NUTM2G: variants seen among roughly 807,000 people sequenced by gnomAD.
The protein encoded by NUTM2G is family with sequence similarity 22, member G.
In NUTM2G, 29 loss-of-function variants were observed where a neutral mutation model predicts 44.3. The ratio of observed to expected loss-of-function variants is 0.66; its 90% CI spans 0.49 to 0.89. NUTM2G has a LOEUF of 0.89. Among genes scored for constraint, NUTM2G ranks in the 40% least tolerant of loss-of-function variants. The pLI is 0.00. For missense variants in NUTM2G, 502 were observed against 946.5 expected, an observed-to-expected ratio of 0.53 and a Z score of 6.16; for synonymous variants, 205 against 395.9, an observed-to-expected ratio of 0.52 and a Z score of 5.72.
chr9:96,935,382 A>G lies in NUTM2G; in HGVS notation c.768A>G (p.Gly256=), dbSNP rs1333990147. 9.3e-6 allele frequency: 15 copies of G among 1,611,888 alleles called. No homozygotes were observed. Among genetic ancestry groups the G allele is most frequent in the Non-Finnish European group, 1.3e-5 (15 of 1,179,870 alleles). ...RRKPTMTLEE[G]LWRAMREWQH... ...AGCCCACCATGACGCTGGAGGAGGGACTGTGGCGGGCCATGCGGGAATGGC... is the reference window on the plus strand; with the variant it reads ...AGCCCACCATGACGCTGGAGGAGGGGCTGTGGCGGGCCATGCGGGAATGGC... Residue 256 remains glycine, a synonymous_variant, in exon 3 of 7, where the codon GGA becomes GGG. Coordinates refer to ENST00000372322, the MANE Select transcript of NUTM2G (RefSeq NM_001170741.3).
chr9:96,930,872 G>GTTTTTTTTTTTTTTTTTTTTTTT lies in NUTM2G; in HGVS notation c.17-832_17-810dup, dbSNP rs1168888338. ...GGCTTGGGCGAGTTTCCATCCAGTGGTTTTTTTTTTTTTTTTTTTTTTTTT... is the reference window on the plus strand; with the variant it reads ...GGCTTGGGCGAGTTTCCATCCAGTGGTTTTTTTTTTTTTTTTTTTTTTTTTTTTTTTTTTTTTTTTTTTTTTTT... On this transcript the variant is annotated intron_variant, in intron 1 of 6. Transcript: ENST00000372322. Among the ~76,000 whole-genome samples the GTTTTTTTTTTTTTTTTTTTTTTT allele has an allele frequency of 5.5e-5, 4 of 72,726 alleles. 2 individuals carry two copies. Among genetic ancestry groups the GTTTTTTTTTTTTTTTTTTTTTTT allele is most frequent in the Non-Finnish European group, 1.0e-4 (4 of 40,044 alleles). 47.7% of individuals were successfully genotyped at this position (72,726 alleles called of 152,430 possible).
chr9:96,929,795 G>A (rs1296020766), intron 1 of NUTM2G, among the ~76,000 whole-genome samples: 13 of 151,486 alleles, frequency 8.6e-5, no homozygotes, highest in South Asian at 2.1e-4. Flanking sequence ...CTCGTGGCCC[G>A]TCCTCTGTAC....
chr9:96,941,373 T>TC (rs1368341472), downstream of NUTM2G, among the ~76,000 whole-genome samples: 47 of 150,378 alleles, frequency 3.1e-4, no homozygotes, highest in Admixed American at 2.6e-4. Context: ...TTAACATGTG[T>TC]CCCCCCCGCC....
At chr9:96,932,591 A>G (rs1309513921) in intron 2 of NUTM2G, among the ~76,000 whole-genome samples, 173 bp downstream of exon 2, 3 of 152,026 alleles carry the variant, frequency 2.0e-5, no homozygotes, top group Non-Finnish European at 2.9e-5. Flanking sequence ...GGCTCAGGAC[A>G]GACTGTCAGG....
intron 6 of NUTM2G, 82 bp downstream of exon 6, chr9:96,938,083 C>A (rs1238487253): frequency 1.9e-6 from 3 of 1,569,182 alleles, no homozygotes; most frequent in Non-Finnish European, 2.6e-6. Flanking sequence ...ACTGTCTAAG[C>A]CCACCCTGCT....
Position 96,930,872 on chromosome 9 carries a change from G to GTTTT in NUTM2G, c.17-813_17-810dup, listed in dbSNP as rs1168888338. ...GGCTTGGGCGAGTTTCCATCCAGTG[G>GTTTT]TTTTTTTTTTTTTTTTTTTTTTTTT... On this transcript the variant is annotated intron_variant, in intron 1 of 6. Transcript: ENST00000372322. Among the ~76,000 whole-genome samples the GTTTT allele has an allele frequency of 1.0e-3, 76 of 72,726 alleles. 16 individuals carry two copies. The highest frequency in any genetic ancestry group is 2.9e-3 in the East Asian group (6 of 2,098). 47.7% of individuals were successfully genotyped at this position (72,726 alleles called of 152,430 possible).
chr9:96,938,931 G>C lies in NUTM2G; in HGVS notation c.2008G>C (p.Gly670Arg). Residue 670 changes from glycine to arginine, a missense_variant, in exon 7 of 7, where the codon GGC becomes CGC. By Grantham distance (125) the Gly-to-Arg change is moderately radical. Transcript: ENST00000372322. Reference sequence around the variant, plus strand: ...TCAATCTCCATCTGCTCAGAAAAGAGGCCTCAGCCCATCACCTTCTCCTGC... The same window carrying C: ...TCAATCTCCATCTGCTCAGAAAAGACGCCTCAGCCCATCACCTTCTCCTGC... ...ALQSPSAQKRGLSPSPSPASK... is the reference protein window; with the variant it reads ...ALQSPSAQKRRLSPSPSPASK... The C allele has an allele frequency of 1.3e-6, 2 of 1,581,360 alleles. No individual in the cohort carries two copies. Among genetic ancestry groups the C allele is most frequent in the Non-Finnish European group, 1.7e-6 (2 of 1,174,282 alleles).
rs540820499 is a variant in NUTM2G at position 96,933,229 on chromosome 9, C to T, written c.713+811C>T. 6.6e-5 allele frequency among the ~76,000 whole-genome samples: 10 copies of T among 151,712 alleles called. No individual in the cohort carries two copies. The South Asian group carries it at 8.4e-4, about 13-fold the overall frequency. On this transcript the variant is annotated intron_variant, in intron 2 of 6. Transcript: ENST00000372322. ...TCCTGCCCTGGTGATTCTCCCGCCTCGGCCTCCCAAAGTGCTGCGATTGCA... is the reference window on the plus strand; with the variant it reads ...TCCTGCCCTGGTGATTCTCCCGCCTTGGCCTCCCAAAGTGCTGCGATTGCA...
At position 96,937,922 on chromosome 9, in the gene NUTM2G, T is replaced by C; in HGVS notation, c.1361T>C (p.Leu454Ser). 1 of 1,611,752 alleles carries C rather than the reference T, an allele frequency of 6.2e-7. No homozygotes were observed. Among genetic ancestry groups the C allele is most frequent in the Non-Finnish European group, 8.5e-7 (1 of 1,179,762 alleles). Residue 454 changes from leucine to serine, a missense_variant, in exon 6 of 7, where the codon TTG becomes TCG. Transcript: ENST00000372322. Reference protein sequence around the residue: ...AVIHPRFLEELLSPDPQMDFL... With the variant: ...AVIHPRFLEESLSPDPQMDFL... Reference sequence around the variant, plus strand: ...ATTCACCCCCGATTCCTGGAAGAATTGCTTTCCCCAGATCCACAGATGGAT... The same window carrying C: ...ATTCACCCCCGATTCCTGGAAGAATCGCTTTCCCCAGATCCACAGATGGAT...
intron 4 of NUTM2G, 139 bp from the exon 5 acceptor site, chr9:96,936,925 C>T: frequency 7.4e-7 from 1 of 1,355,996 alleles, no homozygotes; most frequent in Non-Finnish European, 9.8e-7. Flanking sequence ...CCTGCGGCGT[C>T]TCCTCCGGGG....
intron 1 of NUTM2G, among the ~76,000 whole-genome samples, chr9:96,930,816 T>A (rs1035995449): frequency 2.7e-5 from 4 of 150,404 alleles, no homozygotes; most frequent in African/African-American, 7.4e-5. Flanking sequence ...CGTTATGTGT[T>A]ATGGGTTATC....
chr9:96,940,869 G>A (rs148863151), downstream of NUTM2G, among the ~76,000 whole-genome samples: 7,943 of 151,428 alleles, frequency 0.052, 200 homozygotes, highest in African/African-American at 0.17. Flanking sequence ...GGGCAGTGTC[G>A]GAGGCCTGCC....
At position 96,935,525 on chromosome 9, in the gene NUTM2G, C is replaced by G; in HGVS notation, c.842+69C>G. 4 of 1,611,048 alleles carry G rather than the reference C, an allele frequency of 2.5e-6. No homozygotes were observed. The South Asian group carries it at 4.4e-5, about 18-fold the overall frequency. ...GAGTGAATGACAGAGGCCCGGTGGCCGTGGTGGCTTCTCAGCGTGGAGCAT... is the reference window on the plus strand; with the variant it reads ...GAGTGAATGACAGAGGCCCGGTGGCGGTGGTGGCTTCTCAGCGTGGAGCAT... On this transcript the variant is annotated intron_variant, in intron 3 of 6. Transcript: ENST00000372322.
At chr9:96,932,938 C>T (rs979187403) in intron 2 of NUTM2G, among the ~76,000 whole-genome samples, 2 of 151,196 alleles carry the variant, frequency 1.3e-5, no homozygotes, top group African/African-American at 4.9e-5. Flanking sequence ...CATGAGCCAT[C>T]ATGCCCCGCC....
In NUTM2G at chr9:96,931,849, T is replaced by C. The variant is rs781328534; in HGVS notation, c.144T>C (p.Val48=). 8 of 1,612,364 alleles carry C rather than the reference T, an allele frequency of 5.0e-6. 1 individual carries two copies. The highest frequency in any genetic ancestry group is 6.8e-6 in the Non-Finnish European group (8 of 1,179,848). The change falls in exon 2 of 7, where the codon GTT becomes GTC. Residue 48 remains valine (V), a synonymous_variant. Transcript: ENST00000372322. ...THRPPLVTAV[V]PPAGPLVLSA... ...GGCCGCCCCTCGTGACTGCAGTGGT[T>C]CCTCCAGCCGGCCCTCTGGTGCTCT...
intron 1 of NUTM2G, among the ~76,000 whole-genome samples, chr9:96,931,180 G>A (rs546294170): frequency 1.1e-3 from 161 of 152,206 alleles, no homozygotes; most frequent in African/African-American, 3.9e-3. Context: ...GAACCAGCAT[G>A]CCCGGCCTAT....
intron 4 of NUTM2G, 77 bp downstream of exon 4, chr9:96,936,641 A>G: frequency 4.6e-6 from 7 of 1,509,030 alleles, no homozygotes; most frequent in Non-Finnish European, 6.2e-6. Context: ...CCCACATCCC[A>G]TGCTTCCCTT....
chr9:96,938,683 C>T lies in NUTM2G; in HGVS notation c.1760C>T (p.Thr587Ile), dbSNP rs550065596. Residue 587 changes from threonine (T) to isoleucine (I), a missense_variant, in exon 7 of 7, where the codon ACC becomes ATC. By Grantham distance (89) the Thr-to-Ile change is moderately conservative. Coordinates refer to ENST00000372322, the MANE Select transcript of NUTM2G (RefSeq NM_001170741.3). ...PTSPPQDHRP[T>I]CPGLGTKDAL... The stretch of plus-strand genomic sequence containing the variant: ...TCTCCTCCCCAGGACCACAGACCCA[C>T]CTGCCCCGGCCTGGGGACCAAGGAC... 50 of 1,605,618 alleles carry T rather than the reference C, an allele frequency of 3.1e-5. 1 individual carries two copies. The Admixed American group carries it at 8.4e-4, about 27-fold the overall frequency.
At chr9:96,936,302 C>T in intron 3 of NUTM2G, 123 bp from the exon 4 acceptor site, 1 of 1,514,910 alleles carries the variant, frequency 6.6e-7, no homozygotes. Context: ...GGATGGGTCC[C>T]AGTGAGGGCC....
Sources: allele counts gnomAD v4.1 joint callset (sites outside exome capture counted in the v4.1 genomes callset), GRCh38; gene constraint gnomAD v4.1.1; transcripts MANE v1.5; gene names NCBI Gene and HGNC (gene_info 2026-07-23, HGNC 2026-07-21).